PCGF5: variants seen among roughly 807,000 people sequenced by gnomAD.
PCGF5 encodes the protein polycomb group RING finger protein 5.
PCGF5 carries 9 observed loss-of-function variants against 44.3 expected under a neutral mutation model. The ratio of observed to expected loss-of-function variants is 0.20; its 90% CI spans 0.12 to 0.35. The LOEUF (loss-of-function observed/expected upper bound fraction) is 0.35, where lower values mean the gene tolerates loss of function less well. PCGF5 is among the 10% of genes least tolerant of loss of function. The pLI is 1.00. For missense variants in PCGF5, 146 were observed against 305.3 expected, an observed-to-expected ratio of 0.48 and a Z score of 3.89; for synonymous variants, 95 against 102.5, an observed-to-expected ratio of 0.93 and a Z score of 0.44.
chr10:91,191,548 A>G (rs1328325089), intron 1 of PCGF5, among the ~76,000 whole-genome samples: 3 of 152,238 alleles, frequency 2.0e-5, no homozygotes, highest in Admixed American at 6.5e-5. Flanking sequence ...ATAAGAAGGG[A>G]GTACTGCACT....
chr10:91,227,216 C>A, intron 2 of PCGF5: 1 of 398,684 alleles, frequency 2.5e-6, no homozygotes, highest in Non-Finnish European at 4.9e-6. Flanking sequence ...AAATTTCTAA[C>A]ACATGTATTT....
At chr10:91,228,689 A>G (rs746609389) in intron 2 of PCGF5, among the ~76,000 whole-genome samples, 43 of 152,374 alleles carry the variant, frequency 2.8e-4, no homozygotes, top group Middle Eastern at 3.4e-3. Context: ...TCATAAATAT[A>G]CAAGTACTTA....
At chr10:91,206,825 G>A (rs7894925) in intron 1 of PCGF5, among the ~76,000 whole-genome samples, 1,953 of 152,250 alleles carry the variant, frequency 0.013, 21 homozygotes, top group African/African-American at 0.031. Context: ...CCAGTTACCT[G>A]CACAGTTTAG....
At chr10:91,160,852 G>C (rs970769874), upstream of PCGF5, among the ~76,000 whole-genome samples, 16 of 152,314 alleles carry the variant, frequency 1.1e-4, no homozygotes, top group African/African-American at 3.6e-4. Context: ...TGCGGAATCC[G>C]GCCTAAAGGA....
intron 2 of PCGF5, among the ~76,000 whole-genome samples, chr10:91,223,823 T>G (rs1243083979): frequency 6.6e-6 from 1 of 152,234 alleles, no homozygotes; most frequent in Non-Finnish European, 1.5e-5. Flanking sequence ...TATAGAGATT[T>G]ATCTTCATTT....
intron 9 of PCGF5, among the ~76,000 whole-genome samples, chr10:91,272,893 A>C (rs1467355433): frequency 1.3e-5 from 2 of 152,218 alleles, no homozygotes; most frequent in Non-Finnish European, 2.9e-5. Context: ...TTACATAACA[A>C]ACTTAACTGG....
At chr10:91,221,923 C>T (rs1434249051) in intron 1 of PCGF5, among the ~76,000 whole-genome samples, 1 of 152,014 alleles carries the variant, frequency 6.6e-6, no homozygotes. Flanking sequence ...CTGAGAATAG[C>T]ATTGGAGAAG....
At chr10:91,268,909 G>A (rs753511890) in intron 8 of PCGF5, among the ~76,000 whole-genome samples, 4 of 151,838 alleles carry the variant, frequency 2.6e-5, no homozygotes, top group Non-Finnish European at 2.9e-5. Flanking sequence ...GACTTAGCTC[G>A]TAAAATTTTT....
intron 6 of PCGF5, among the ~76,000 whole-genome samples, chr10:91,260,668 G>A (rs1845880034): frequency 1.3e-5 from 2 of 152,030 alleles, no homozygotes; most frequent in Admixed American, 1.3e-4. Flanking sequence ...TAGGGACATG[G>A]ATGAAGCTGG....
intron 1 of PCGF5, among the ~76,000 whole-genome samples, chr10:91,168,162 C>T (rs1843532785): frequency 6.6e-6 from 1 of 152,060 alleles, no homozygotes; most frequent in Admixed American, 6.5e-5. Flanking sequence ...TTGGGGCATC[C>T]TTATGGAGGG....
intron 1 of PCGF5, among the ~76,000 whole-genome samples, chr10:91,168,481 G>A (rs1363382273): frequency 1.3e-5 from 2 of 152,190 alleles, no homozygotes; most frequent in Non-Finnish European, 2.9e-5. Flanking sequence ...GTGGGGATTA[G>A]TGGGGACAAG....
chr10:91,164,132 G>T (rs1217784379), intron 1 of PCGF5, among the ~76,000 whole-genome samples: 2 of 152,212 alleles, frequency 1.3e-5, no homozygotes, highest in Admixed American at 1.3e-4. Context: ...GCGCGTACTC[G>T]CTATGTACCT....
chr10:91,257,340 T>C (rs1234148810), intron 6 of PCGF5, among the ~76,000 whole-genome samples: 2 of 152,092 alleles, frequency 1.3e-5, no homozygotes, highest in Non-Finnish European at 2.9e-5. Context: ...AATTGAAACC[T>C]TATACGTTGC....
intron 6 of PCGF5, among the ~76,000 whole-genome samples, chr10:91,256,190 G>T (rs1845749595): frequency 6.6e-6 from 1 of 151,972 alleles, no homozygotes. Context: ...TATGCACAAA[G>T]AACTAAAACC....
At chr10:91,277,621 T>C (rs1194586159) in intron 9 of PCGF5, among the ~76,000 whole-genome samples, 2 of 152,262 alleles carry the variant, frequency 1.3e-5, no homozygotes, top group African/African-American at 4.8e-5. Context: ...ACCATTCAGT[T>C]ATTTTATGTA....
chr10:91,211,858 C>G (rs1844458781), intron 1 of PCGF5, among the ~76,000 whole-genome samples: 1 of 152,042 alleles, frequency 6.6e-6, no homozygotes, highest in Admixed American at 6.5e-5. Flanking sequence ...TAGAGCTTAT[C>G]TGGAACCAGG....
At chr10:91,193,173 G>A (rs1281342582) in intron 1 of PCGF5, among the ~76,000 whole-genome samples, 3 of 152,118 alleles carry the variant, frequency 2.0e-5, no homozygotes, top group African/African-American at 7.2e-5. Flanking sequence ...AATGAAATGG[G>A]GCATCAGTCC....
intron 1 of PCGF5, among the ~76,000 whole-genome samples, chr10:91,207,396 C>T (rs1844367169): frequency 6.6e-6 from 1 of 152,222 alleles, no homozygotes; most frequent in African/African-American, 2.4e-5. Context: ...CTTAGATTCA[C>T]TGTTTAACAT....
Position 91,278,334 on chromosome 10 carries a change from T to A in PCGF5, c.*18T>A. 6.2e-7 allele frequency: 1 copy of A among 1,601,310 alleles called. No homozygotes were observed. Among genetic ancestry groups the A allele is most frequent in the Non-Finnish European group, 8.6e-7 (1 of 1,168,388 alleles). On this transcript the variant is annotated 3_prime_UTR_variant, in exon 10 of 10. Coordinates refer to ENST00000336126, the MANE Select transcript of PCGF5 (RefSeq NM_032373.5). ...TCGGTTAGACCAAGGGGCCCAGACC[T>A]CACTGAGATGAATCCTGCACTATTT...
Sources: allele counts gnomAD v4.1 joint callset (sites outside exome capture counted in the v4.1 genomes callset), GRCh38; gene constraint gnomAD v4.1.1; transcripts MANE v1.5; gene names NCBI Gene and HGNC (gene_info 2026-07-23, HGNC 2026-07-21).